The following PAFAH2 variants were observed in gnomAD, a reference collection of about 807,000 sequenced individuals.
PAFAH2 encodes the protein platelet activating factor acetylhydrolase 2, also known as platelet-activating factor acetylhydrolase 2, cytoplasmic.
Under a neutral mutation model 49.0 loss-of-function variants are expected in PAFAH2, and 42 were observed. That is an observed-to-expected ratio of 0.86 (90% CI 0.67 to 1.11). The LOEUF is 1.11. Ranked by LOEUF, PAFAH2 falls within the 50% of genes least tolerant of loss-of-function variation. The pLI, the probability that PAFAH2 is intolerant of heterozygous loss-of-function variation, is 0.00. For synonymous variants in PAFAH2, 184 were observed against 181.3 expected (o/e 1.01, Z -0.12); for missense variants, 503 against 501.8 (o/e 1.00, Z -0.02).
chr1:25,965,817 CAAAAAAA>C (rs56272061), intron 10 of PAFAH2, among the ~76,000 whole-genome samples: 74 of 17,386 alleles, frequency 4.3e-3, no homozygotes, highest in African/African-American at 0.018. Context: ...GACTTTGTCT[CAAAAAAA>C]AAAAAAAAAA....
At chr1:25,997,421 G>C (rs946080000) in intron 1 of PAFAH2, 2 of 152,194 alleles carry the variant, frequency 1.3e-5, no homozygotes, top group African/African-American at 4.8e-5. Flanking sequence ...ACACATACTA[G>C]CTTGTTGGCT....
At chr1:25,994,975 G>C (rs897005229) in intron 1 of PAFAH2, among the ~76,000 whole-genome samples, 2 of 152,200 alleles carry the variant, frequency 1.3e-5, no homozygotes, top group African/African-American at 2.4e-5. Flanking sequence ...AGGATGGAGA[G>C]ATGGAAAAAT....
rs2049318773 is a variant in PAFAH2 at position 25,960,166 on chromosome 1, CTA to C, written c.*1821_*1822del. The C allele has an allele frequency of 6.6e-6, 1 of 152,182 alleles. No homozygotes were observed. Among genetic ancestry groups the C allele is most frequent in the African/African-American group, 2.4e-5 (1 of 41,450 alleles). 9.4% of individuals were successfully genotyped at this position (152,182 alleles called of 1,614,324 possible). A position where few individuals can be genotyped will look rare whatever the true frequency, so the allele number is the denominator to read the frequency against. On this transcript the variant is annotated 3_prime_UTR_variant, in exon 11 of 11. Coordinates refer to ENST00000374282, the MANE Select transcript of PAFAH2 (RefSeq NM_000437.4). ...GGGCTTTAATGATACCCTTCTTATG[CTA>C]TGTCTCATGGGAATTCAAAGATCCT...
At chr1:25,989,006 T>C (rs1414429231) in intron 3 of PAFAH2, among the ~76,000 whole-genome samples, 1 of 152,038 alleles carries the variant, frequency 6.6e-6, no homozygotes, top group African/African-American at 2.4e-5. Flanking sequence ...TGCAGGAAAC[T>C]GTACGCTCCT....
chr1:25,998,060 G>A lies in PAFAH2; in HGVS notation c.-83C>T, dbSNP rs1009555930. ...TGATTCCTCAGAAGCAGCCCCAGACGTTTAACTCGACGGAAATGAGAAACG... is the reference window on the plus strand; with the variant it reads ...TGATTCCTCAGAAGCAGCCCCAGACATTTAACTCGACGGAAATGAGAAACG... On this transcript the variant is annotated 5_prime_UTR_variant, in exon 1 of 11. In the 5' UTR this introduces an upstream ATG that the reference lacks. Coordinates refer to ENST00000374282, the MANE Select transcript of PAFAH2 (RefSeq NM_000437.4). The A allele has an allele frequency of 1.7e-4, 26 of 152,022 alleles. No homozygotes were observed. The highest frequency in any genetic ancestry group is 6.0e-4 in the African/African-American group (25 of 41,392). The allele number at this position is 152,022 out of a possible 1,614,324, so 9.4% of individuals were successfully genotyped here.
intron 8 of PAFAH2, among the ~76,000 whole-genome samples, chr1:25,976,033 C>T (rs1251061782): frequency 1.3e-5 from 2 of 152,190 alleles, no homozygotes; most frequent in Non-Finnish European, 2.9e-5. Flanking sequence ...AGGGCCTTTG[C>T]ATTAGCTATT....
chr1:25,972,105 A>G (rs549709572), intron 10 of PAFAH2, among the ~76,000 whole-genome samples: 1 of 152,164 alleles, frequency 6.6e-6, no homozygotes, highest in African/African-American at 2.4e-5. Context: ...TTGTTTAATT[A>G]TTTATTTAGA....
Position 25,974,525 on chromosome 1 carries a change from T to C in PAFAH2, c.884A>G (p.Lys295Arg), listed in dbSNP as rs538009699. The C allele has an allele frequency of 1.2e-6, 2 of 1,614,128 alleles. No homozygotes were observed. Among genetic ancestry groups the C allele is most frequent in the South Asian group, 2.2e-5 (2 of 91,078 alleles). Residue 295 changes from lysine (K) to arginine (R), a missense_variant, in exon 9 of 11, where the codon AAG (lysine) becomes AGG (arginine). By Grantham distance (26) the Lys-to-Arg change is conservative. Coordinates refer to ENST00000374282, the MANE Select transcript of PAFAH2 (RefSeq NM_000437.4). The part of the protein sequence containing the change: ...FQTMESVNLM[K>R]KICAQHEQSR... ...CTGTTCATGCTGGGCACATATCTTCTTCATCAAATTGACACTCTCCATTGT... is the reference window on the plus strand; with the variant it reads ...CTGTTCATGCTGGGCACATATCTTCCTCATCAAATTGACACTCTCCATTGT...
At chr1:25,991,533 T>C (rs1047058133) in intron 1 of PAFAH2, among the ~76,000 whole-genome samples, 2 of 147,348 alleles carry the variant, frequency 1.4e-5, no homozygotes, top group Non-Finnish European at 1.5e-5. Context: ...CTACCCACTT[T>C]GGCCTCCCAA....
intron 10 of PAFAH2, among the ~76,000 whole-genome samples, chr1:25,966,161 C>T (rs1173569025): frequency 6.6e-6 from 1 of 151,890 alleles, no homozygotes; most frequent in Non-Finnish European, 1.5e-5. Context: ...ACTTATGCAC[C>T]GTTGGTAGGA....
At chr1:25,977,037 TTTTG>T (rs2049602216) in intron 7 of PAFAH2, among the ~76,000 whole-genome samples, 1 of 119,404 alleles carries the variant, frequency 8.4e-6, no homozygotes, top group African/African-American at 2.7e-5. Flanking sequence ...TTTTTTTTTT[TTTTG>T]AGACGGAGTC....
Position 25,988,321 on chromosome 1 carries a change from C to A in PAFAH2, c.251G>T (p.Cys84Phe), listed in dbSNP as rs1029789772. 1 of 1,610,936 alleles carries A rather than the reference C, an allele frequency of 6.2e-7. No homozygotes were observed. Among genetic ancestry groups the A allele is most frequent in the East Asian group, 2.2e-5 (1 of 44,668 alleles). Residue 84 changes from cysteine to phenylalanine, a missense_variant, in exon 4 of 11, where the codon TGT (cysteine) becomes TTT (phenylalanine). Physicochemically the swap from Cys to Phe is radical, Grantham distance 205 (BLOSUM62 -2). Coordinates refer to ENST00000374282, the MANE Select transcript of PAFAH2 (RefSeq NM_000437.4). The stretch of plus-strand genomic sequence containing the variant: ...GCCATTCCAGCTAACAGGCAGGCGA[C>A]AAGATCCTAGCAGAGACATGGGCTA... ...GLLFNLAVGSCRLPVSWNGPF... is the reference protein window; with the variant it reads ...GLLFNLAVGSFRLPVSWNGPF...
intron 4 of PAFAH2, among the ~76,000 whole-genome samples, chr1:25,985,804 A>C (rs1343228239): frequency 1.3e-5 from 2 of 152,224 alleles, no homozygotes; most frequent in African/African-American, 4.8e-5. Flanking sequence ...CATGGGCTAC[A>C]GTTACAGGAG....
chr1:25,990,877 C>T lies in PAFAH2; in HGVS notation c.-47-14G>A. 2 of 1,342,880 alleles carry T rather than the reference C, an allele frequency of 1.5e-6. No individual in the cohort carries two copies. The highest frequency in any genetic ancestry group is 2.1e-6 in the Non-Finnish European group (2 of 937,320). 83.2% of individuals were successfully genotyped at this position (1,342,880 alleles called of 1,614,324 possible). A position where few individuals can be genotyped will look rare whatever the true frequency, so the allele number is the denominator to read the frequency against. Reference sequence around the variant, plus strand: ...TGAACTTGCTGGCTGGATGGGGGAACACAGAACAGCAGCCGCTTGCTGGTT... The same window carrying T: ...TGAACTTGCTGGCTGGATGGGGGAATACAGAACAGCAGCCGCTTGCTGGTT... On this transcript the variant is annotated splice_polypyrimidine_tract_variant and intron_variant, in intron 1 of 10. Coordinates refer to ENST00000374282, the MANE Select transcript of PAFAH2 (RefSeq NM_000437.4).
chr1:25,980,185 A>G (rs2049661399), intron 7 of PAFAH2, among the ~76,000 whole-genome samples: 1 of 152,234 alleles, frequency 6.6e-6, no homozygotes, highest in Non-Finnish European at 1.5e-5. Context: ...TCTACCACTT[A>G]CTTAGCTGGG....
At chr1:25,981,137 T>G (rs1445585561) in intron 7 of PAFAH2, among the ~76,000 whole-genome samples, 1 of 152,030 alleles carries the variant, frequency 6.6e-6, no homozygotes, top group African/African-American at 2.4e-5. Context: ...AAATATTAAT[T>G]GGCATAAGAA....
intron 9 of PAFAH2, among the ~76,000 whole-genome samples, chr1:25,973,777 C>A (rs1294772656): frequency 6.6e-6 from 1 of 152,216 alleles, no homozygotes; most frequent in Non-Finnish European, 1.5e-5. Context: ...ACTTGTCATT[C>A]TGCTGAAATA....
At chr1:25,982,511 A>G (rs770938877) in intron 6 of PAFAH2, 34 bp from the exon 7 acceptor site, 1 of 1,457,796 alleles carries the variant, frequency 6.9e-7, no homozygotes, top group Non-Finnish European at 9.6e-7. Context: ...GGACTGGAAC[A>G]CTCCACAACT....
Position 25,983,942 on chromosome 1 carries a change from T to A in PAFAH2, c.552+4A>T. ...CTCTCCCTCCCCAACTGGCACAAAC[T>A]TACCTGGGGATTCCGAACATGAAAT... is the stretch of plus-strand genomic sequence containing the variant. On this transcript the variant is annotated splice_donor_region_variant and intron_variant, in intron 6 of 10. Transcript: ENST00000374282. 4 of 1,614,060 alleles carry A rather than the reference T, an allele frequency of 2.5e-6. No individual in the cohort carries two copies. The highest frequency in any genetic ancestry group is 3.4e-6 in the Non-Finnish European group (4 of 1,179,948).
Sources: gnomAD v4.1 joint callset for allele counts (sites outside exome capture counted in the v4.1 genomes callset) on GRCh38, gnomAD v4.1.1 for gene constraint, MANE v1.5 for transcripts, NCBI Gene and HGNC (gene_info 2026-07-23, HGNC 2026-07-21) for gene names.